Variants in ROBO2 observed in about 807,000 individuals in gnomAD.
ROBO2 encodes roundabout homolog 2.
ROBO2 carries 53 observed loss-of-function variants against 160.8 expected under a neutral mutation model. The observed-to-expected ratio is 0.33, with a 90% CI of 0.26 to 0.41. The LOEUF (loss-of-function observed/expected upper bound fraction) is 0.41, where lower values mean the gene tolerates loss of function less well. Among genes scored for constraint, ROBO2 ranks in the 10% least tolerant of loss-of-function variants. The probability of loss-of-function intolerance (pLI) is 1.00; values close to 1 mark genes in which losing one functional copy is unlikely to be tolerated. For synonymous variants in ROBO2, 664 were observed against 611.7 expected (o/e 1.09, Z -1.26); for missense variants, 1,577 against 1,722.4 (o/e 0.92, Z 1.49).
chr3:76,887,200 T>C (rs1454701375), intron 2 of ROBO2, among the ~76,000 whole-genome samples: 1 of 136,448 alleles, frequency 7.3e-6, no homozygotes, highest in African/African-American at 2.7e-5. Context: ...AAGCATTTTT[T>C]TTTTTTTTTT....
intron 2 of ROBO2, among the ~76,000 whole-genome samples, chr3:76,179,371 A>G (rs1701388464): frequency 6.6e-6 from 1 of 151,972 alleles, no homozygotes; most frequent in Non-Finnish European, 1.5e-5. Flanking sequence ...CTGCAAACCT[A>G]CCTCTTCCCC....
chr3:76,612,601 G>T (rs1442602730), intron 2 of ROBO2, among the ~76,000 whole-genome samples: 1 of 152,086 alleles, frequency 6.6e-6, no homozygotes, highest in Non-Finnish European at 1.5e-5. Context: ...TGCATGTGGG[G>T]CTTAAAACCT....
intron 2 of ROBO2, among the ~76,000 whole-genome samples, chr3:76,807,260 A>T (rs2064804124): frequency 6.6e-6 from 1 of 152,050 alleles, no homozygotes; most frequent in Admixed American, 6.6e-5. Context: ...TAACAACCTG[A>T]ACTTGTAGAT....
At chr3:77,150,827 A>G (rs2077492410) in intron 2 of ROBO2, among the ~76,000 whole-genome samples, 1 of 152,110 alleles carries the variant, frequency 6.6e-6, no homozygotes. Flanking sequence ...CAAATAAAAC[A>G]AAAATGGATG....
At chr3:77,089,354 G>C (rs1271516150) in intron 1 of ROBO2, among the ~76,000 whole-genome samples, 2 of 152,104 alleles carry the variant, frequency 1.3e-5, no homozygotes, top group Non-Finnish European at 1.5e-5. Context: ...TTAATCTTCT[G>C]TTTTCTGCAT....
At chr3:76,290,592 T>G (rs1708752816) in intron 2 of ROBO2, among the ~76,000 whole-genome samples, 1 of 152,142 alleles carries the variant, frequency 6.6e-6, no homozygotes, top group Non-Finnish European at 1.5e-5. Context: ...CATTCTTTTC[T>G]TTTTCCAGTT....
At chr3:77,313,507 C>T (rs2063717658) in intron 2 of ROBO2, among the ~76,000 whole-genome samples, 1 of 152,106 alleles carries the variant, frequency 6.6e-6, no homozygotes, top group Non-Finnish European at 1.5e-5. Flanking sequence ...TTTCACAAAT[C>T]TCTTCCTATC....
chr3:77,282,107 G>T (rs1222489644), intron 2 of ROBO2, among the ~76,000 whole-genome samples: 4 of 151,888 alleles, frequency 2.6e-5, no homozygotes, highest in Admixed American at 6.6e-5. Flanking sequence ...ATCATGACAA[G>T]GAAAAAATGT....
intron 2 of ROBO2, among the ~76,000 whole-genome samples, chr3:76,036,955 T>G (rs1483686972): frequency 6.6e-6 from 1 of 152,040 alleles, no homozygotes; most frequent in Non-Finnish European, 1.5e-5. Context: ...CCCATGCTTG[T>G]TTTTCAGTGT....
At chr3:76,527,643 T>A (rs1398594276) in intron 2 of ROBO2, among the ~76,000 whole-genome samples, 1 of 151,998 alleles carries the variant, frequency 6.6e-6, no homozygotes, top group African/African-American at 2.4e-5. Flanking sequence ...AATAAACAAA[T>A]GAGATTTTTA....
intron 2 of ROBO2, among the ~76,000 whole-genome samples, chr3:76,880,279 G>C (rs1264108112): frequency 6.6e-6 from 1 of 152,006 alleles, no homozygotes; most frequent in African/African-American, 2.4e-5. Context: ...TGAACAGTGG[G>C]ACCTAATTGA....
intron 2 of ROBO2, among the ~76,000 whole-genome samples, chr3:77,399,877 C>T (rs997272048): frequency 6.6e-6 from 1 of 152,158 alleles, no homozygotes; most frequent in Non-Finnish European, 1.5e-5. Context: ...CTAACTCACA[C>T]AGCTCTAGGA....
intron 2 of ROBO2, among the ~76,000 whole-genome samples, chr3:76,655,454 A>G (rs1379378852): frequency 7.2e-6 from 1 of 138,138 alleles, no homozygotes; most frequent in African/African-American, 2.6e-5. Context: ...ATATATATAT[A>G]TGGATTTTTT....
chr3:76,194,353 A>T (rs5000154), intron 2 of ROBO2, among the ~76,000 whole-genome samples: 9,823 of 94,090 alleles, frequency 0.1, 962 homozygotes, highest in African/African-American at 0.14. Context: ...ATGGTGTGTA[A>T]ATATATATAT....
At chr3:76,445,286 A>C (rs971649573) in intron 2 of ROBO2, among the ~76,000 whole-genome samples, 2 of 152,216 alleles carry the variant, frequency 1.3e-5, no homozygotes, top group Non-Finnish European at 2.9e-5. Flanking sequence ...GTCAACATTT[A>C]ATGGAAAGTG....
At chr3:77,219,368 A>G (rs2085417079) in intron 2 of ROBO2, among the ~76,000 whole-genome samples, 1 of 148,708 alleles carries the variant, frequency 6.7e-6, no homozygotes, top group Non-Finnish European at 1.5e-5. Flanking sequence ...ATTATAACCA[A>G]ACTTATTAAG....
At chr3:76,381,504 C>T (rs771579895) in intron 2 of ROBO2, among the ~76,000 whole-genome samples, 25 of 151,956 alleles carry the variant, frequency 1.6e-4, no homozygotes, top group Non-Finnish European at 1.2e-4. Context: ...CACGTGCCAC[C>T]GCGCCCGGCT....
chr3:77,531,478 G>A (rs1046744279), intron 6 of ROBO2, among the ~76,000 whole-genome samples: 1 of 150,452 alleles, frequency 6.6e-6, no homozygotes, highest in Non-Finnish European at 1.5e-5. Flanking sequence ...TTTATGAGTC[G>A]AAGCAAAGTT....
chr3:76,889,994 A>T (rs2074214564), intron 2 of ROBO2, among the ~76,000 whole-genome samples: 1 of 152,104 alleles, frequency 6.6e-6, no homozygotes, highest in African/African-American at 2.4e-5. Flanking sequence ...GTAGAGAGGG[A>T]ACTTTGAAGC....
Sources: allele counts gnomAD v4.1 joint callset (sites outside exome capture counted in the v4.1 genomes callset), GRCh38; gene constraint gnomAD v4.1.1; transcripts MANE v1.5; gene names NCBI Gene and HGNC (gene_info 2026-07-23, HGNC 2026-07-21).